The following ITGA11 variants were observed in gnomAD, a reference collection of about 807,000 sequenced individuals.
ITGA11 encodes integrin alpha-11.
A neutral mutation model predicts 141.9 loss-of-function variants in ITGA11; 97 were observed. The observed-to-expected ratio is 0.68, with a 90% confidence interval of 0.58 to 0.81. ITGA11 has a LOEUF of 0.81. ITGA11 is among the 30% of genes least tolerant of loss of function. The pLI is 0.00. For synonymous variants in ITGA11, 658 were observed against 624.6 expected, an observed-to-expected ratio of 1.05 and a Z score of -0.80; for missense variants, 1,387 against 1,559.2, an observed-to-expected ratio of 0.89 and a Z score of 1.86.
chr15:68,327,571 G>T (rs1894019097), intron 16 of ITGA11, among the ~76,000 whole-genome samples: 1 of 152,062 alleles, frequency 6.6e-6, no homozygotes, highest in African/African-American at 2.4e-5. Context: ...CACTTCCTGA[G>T]ACCACCTGGG....
chr15:68,412,952 A>G (rs1896809398), intron 1 of ITGA11, among the ~76,000 whole-genome samples: 1 of 152,174 alleles, frequency 6.6e-6, no homozygotes, highest in Non-Finnish European at 1.5e-5. Flanking sequence ...CTGGGATTAC[A>G]GGCGTGAGCC....
At chr15:68,431,267 C>T (rs1897264075) in intron 1 of ITGA11, among the ~76,000 whole-genome samples, 1 of 152,148 alleles carries the variant, frequency 6.6e-6, no homozygotes, top group African/African-American at 2.4e-5. Context: ...GTGCATTAGG[C>T]GGCGGCGCGC....
chr15:68,311,472 C>CTGGTTGGCCCCTGTGGA, intron 24 of ITGA11, 69 bp from the exon 25 acceptor site: 1 of 1,080,656 alleles, frequency 9.3e-7, no homozygotes, highest in African/African-American at 1.6e-5. Context: ...TCCACAGGGG[C>CTGGTTGGCCCCTGTGGA]CAACCAGCCC....
At chr15:68,315,559 G>A in intron 22 of ITGA11, 92 bp downstream of exon 22, 1 of 1,057,822 alleles carries the variant, frequency 9.5e-7, no homozygotes, top group Non-Finnish European at 1.4e-6. Context: ...TGGGGCAGCG[G>A]ACTCAGTGTC....
chr15:68,397,710 T>TATAAA (rs1896351823), intron 2 of ITGA11, among the ~76,000 whole-genome samples: 1 of 50,714 alleles, frequency 2.0e-5, no homozygotes, highest in African/African-American at 1.1e-4. Context: ...TTTAAAATAT[T>TATAAA]ATATTTAAAA....
chr15:68,303,504 G>T lies in ITGA11; in HGVS notation c.3495+268C>A, dbSNP rs80301510. On this transcript the variant is annotated intron_variant, in intron 29 of 29. Coordinates refer to ENST00000315757, the MANE Select transcript of ITGA11 (RefSeq NM_001004439.2). This position sits in a 1 kb window ranked among gnomAD's most constrained non-coding sequence, Gnocchi z 5.3. The stretch of plus-strand genomic sequence containing the variant: ...AGCTTGACATTGTGGGAGAAATTTT[G>T]TGCAGTTGTTTGTACTTGCTTTTTT... Among the ~76,000 whole-genome samples, 549 of 151,996 alleles carry T rather than the reference G, an allele frequency of 3.6e-3. 1 individual carries two copies. Among genetic ancestry groups the T allele is most frequent in the African/African-American group, 0.012 (488 of 41,456 alleles).
At chr15:68,400,861 ATATAATATTATATATTATATAATAAATAT>A in intron 2 of ITGA11, among the ~76,000 whole-genome samples, 157 of 5,432 alleles carry the variant, frequency 0.029, 27 homozygotes, top group South Asian at 0.14. Context: ...TATATAATAA[ATATAATATTATATATTATATAATAAATAT>A]TATAATATTA....
At chr15:68,360,744 C>A (rs981679658) in intron 5 of ITGA11, among the ~76,000 whole-genome samples, 1 of 152,206 alleles carries the variant, frequency 6.6e-6, no homozygotes, top group Non-Finnish European at 1.5e-5. Flanking sequence ...CCTGGCTCTG[C>A]CATTTCCTCT....
At position 68,303,994 on chromosome 15, in the gene ITGA11, A is replaced by G; in HGVS notation, c.3382-109T>C. 1 of 664,504 alleles carries G rather than the reference A, an allele frequency of 1.5e-6. No homozygotes were observed. The highest frequency in any genetic ancestry group is 2.8e-5 in the East Asian group (1 of 35,750). 41.2% of individuals were successfully genotyped at this position (664,504 alleles called of 1,614,324 possible). ...AGCTGGCACCTGGTGGGGGAGCTGC[A>G]TCCTCTTCCTCAGGGGGATACCAGA... is the stretch of plus-strand genomic sequence containing the variant. On this transcript the variant is annotated intron_variant, in intron 28 of 29. Coordinates refer to ENST00000315757, the MANE Select transcript of ITGA11 (RefSeq NM_001004439.2). The surrounding 1 kb of genome is among the most constrained non-coding windows in gnomAD (Gnocchi z 5.3).
intron 1 of ITGA11, among the ~76,000 whole-genome samples, chr15:68,420,915 T>A (rs374258135): frequency 2.0e-5 from 3 of 152,270 alleles, no homozygotes; most frequent in East Asian, 1.9e-4. Context: ...GAGGGGAGTT[T>A]ATGCATGTGA....
chr15:68,334,859 G>A (rs1894294577), intron 12 of ITGA11, among the ~76,000 whole-genome samples: 2 of 152,206 alleles, frequency 1.3e-5, no homozygotes, highest in South Asian at 4.1e-4. Flanking sequence ...CTGGCCCTGG[G>A]TGAGTGTGGG....
chr15:68,350,797 G>A lies in ITGA11; in HGVS notation c.895-15C>T. The stretch of plus-strand genomic sequence containing the variant: ...TAGCCCAGGACCTGCCAGGGAACAG[G>A]GGCAGGAACCACAAACCAGAACATA... On this transcript the variant is annotated splice_polypyrimidine_tract_variant and intron_variant, in intron 8 of 29. Transcript: ENST00000315757. The A allele has an allele frequency of 1.2e-6, 2 of 1,606,646 alleles. No individual in the cohort carries two copies. The highest frequency in any genetic ancestry group is 8.5e-7 in the Non-Finnish European group (1 of 1,176,060).
At chr15:68,330,916 A>T in intron 15 of ITGA11, 65 bp downstream of exon 15, 1 of 1,593,570 alleles carries the variant, frequency 6.3e-7, no homozygotes, top group Non-Finnish European at 8.6e-7. Flanking sequence ...GCCTATCTTT[A>T]AAACCCCTGG....
At chr15:68,363,056 G>A (rs756860137) in intron 4 of ITGA11, among the ~76,000 whole-genome samples, 2 of 152,150 alleles carry the variant, frequency 1.3e-5, no homozygotes, top group African/African-American at 4.8e-5. Context: ...GATGATGGAG[G>A]TTGATGGATG....
intron 1 of ITGA11, among the ~76,000 whole-genome samples, chr15:68,429,954 T>A (rs78073315): frequency 0.015 from 2,274 of 151,980 alleles, 57 homozygotes; most frequent in African/African-American, 0.051. Flanking sequence ...GCCCTTGGTT[T>A]CCCCAAGCCA....
At chr15:68,385,330 C>A (rs890010791) in intron 2 of ITGA11, among the ~76,000 whole-genome samples, 1 of 152,174 alleles carries the variant, frequency 6.6e-6, no homozygotes, top group African/African-American at 2.4e-5. Context: ...GCACTCTATG[C>A]CTGTGGGAAA....
At chr15:68,332,617 A>C in intron 12 of ITGA11, 139 bp from the exon 13 acceptor site, 2 of 905,298 alleles carry the variant, frequency 2.2e-6, no homozygotes, top group Non-Finnish European at 3.3e-6. Context: ...CTCCCTTCTC[A>C]CGCGCTACCT....
In ITGA11 at chr15:68,395,623, G is replaced by C. The variant is rs189674867; in HGVS notation, c.164+7295C>G. 6.7e-5 allele frequency among the ~76,000 whole-genome samples: 9 copies of C among 134,622 alleles called. No individual in the cohort carries two copies. In the East Asian group the frequency reaches 2.1e-3, roughly 31 times the overall value. 88.3% of individuals were successfully genotyped at this position (134,622 alleles called of 152,430 possible). ...TGAGAAGACAAGGTTAGAGAAGAAAGAGTAAAGACAAACAAAGCCTCCAAG... is the reference window on the plus strand; with the variant it reads ...TGAGAAGACAAGGTTAGAGAAGAAACAGTAAAGACAAACAAAGCCTCCAAG... On this transcript the variant is annotated intron_variant, in intron 2 of 29. Transcript: ENST00000315757.
rs185156690 is a variant in ITGA11, at chr15:68,322,001, C to T, written c.2323-498G>A. 5.3e-5 allele frequency among the ~76,000 whole-genome samples: 8 copies of T among 152,286 alleles called. No individual in the cohort carries two copies. Among genetic ancestry groups the T allele is most frequent in the Admixed American group, 3.3e-4 (5 of 15,304 alleles). ...GCCTGTAGGAAGTCAGGGAAGCCTT[C>T]GAGGAAGTGACAGGGGATCAGAGTT... On this transcript the variant is annotated intron_variant, in intron 18 of 29. Coordinates refer to ENST00000315757, the MANE Select transcript of ITGA11 (RefSeq NM_001004439.2). This position sits in a 1 kb window ranked among gnomAD's most constrained non-coding sequence, Gnocchi z 5.6.
Sources: gnomAD v4.1 joint callset for allele counts (sites outside exome capture counted in the v4.1 genomes callset) on GRCh38, gnomAD v4.1.1 for gene constraint, Gnocchi (gnomAD v3.1) non-coding constraint, MANE v1.5 for transcripts, NCBI Gene and HGNC (gene_info 2026-07-23, HGNC 2026-07-21) for gene names.